EIF5A: variants seen among roughly 807,000 people sequenced by gnomAD.
The protein encoded by EIF5A is eukaryotic translation initiation factor 5A-1.
EIF5A carries 1 observed loss-of-function variant against 16.6 expected under a neutral mutation model. That is an observed-to-expected ratio of 0.06 (90% confidence interval 0.02 to 0.28). EIF5A has a LOEUF of 0.28. Ranked by LOEUF, EIF5A falls within the 10% of genes least tolerant of loss-of-function variation. The pLI, the probability that EIF5A is intolerant of heterozygous loss-of-function variation, is 1.00. For synonymous variants in EIF5A, 80 were observed against 73.6 expected (o/e 1.09, Z -0.44); for missense variants, 29 against 196.1 (o/e 0.15, Z 5.09).
chr17:7,311,270 G>GT, intron 3 of EIF5A, 80 bp from the exon 4 acceptor site: 3 of 1,608,318 alleles, frequency 1.9e-6, no homozygotes, highest in Non-Finnish European at 2.5e-6. Context: ...TATCAGTCCA[G>GT]TTTGTCTATC....
intron 1 of EIF5A, among the ~76,000 whole-genome samples, chr17:7,309,169 C>T (rs1390531520): frequency 1.3e-5 from 2 of 150,570 alleles, no homozygotes; most frequent in Non-Finnish European, 2.9e-5. Flanking sequence ...GCCTTGTCCT[C>T]CGGTCTCCAC....
chr17:7,307,399 T>TA, upstream of EIF5A: 1 of 1,167,560 alleles, frequency 8.6e-7, no homozygotes, highest in Non-Finnish European at 1.1e-6. Context: ...TTGAAGAGAT[T>TA]AAAAAACCGG....
intron 1 of EIF5A, 39 bp from the exon 2 acceptor site, chr17:7,309,576 C>T (rs2072752899): frequency 3.1e-6 from 5 of 1,612,158 alleles, no homozygotes; most frequent in African/African-American, 2.7e-5. Context: ...TCCTGTTGAC[C>T]TCCATGCTTA....
At chr17:7,308,984 A>G (rs1056753712) in intron 1 of EIF5A, among the ~76,000 whole-genome samples, 3 of 152,192 alleles carry the variant, frequency 2.0e-5, no homozygotes, top group Non-Finnish European at 4.4e-5. Context: ...TTTGGGAACC[A>G]AGATCGAGGT....
chr17:7,307,354 G>A, upstream of EIF5A: 1 of 1,238,810 alleles, frequency 8.1e-7, no homozygotes, highest in Non-Finnish European at 1.0e-6. Flanking sequence ...CTGCCCGGTA[G>A]GACGAGCGGT....
rs1271641104 is a variant in EIF5A, at chr17:7,309,761, G to A, written c.126G>A (p.Glu42=). 1 of 1,614,236 alleles carries A rather than the reference G, an allele frequency of 6.2e-7. No homozygotes were observed. The highest frequency in any genetic ancestry group is 8.5e-7 in the Non-Finnish European group (1 of 1,180,046). Residue 42 remains glutamate (E), a synonymous_variant, in exon 2 of 6, where the codon GAG becomes GAA. Coordinates refer to ENST00000336458, the MANE Select transcript of EIF5A (RefSeq NM_001970.5). ...VLKGRPCKIV[E]MSTSKTGKHG... ...AAGGCCGGCCATGTAAGATCGTCGA[G>A]ATGTCTACTTCGAAGACTGGCAAGC...
At chr17:7,307,078 C>T (rs749331003), upstream of EIF5A, 3 of 1,604,230 alleles carry the variant, frequency 1.9e-6, no homozygotes, top group Non-Finnish European at 8.5e-7. Flanking sequence ...GATTCCAAGA[C>T]AAGGCGCCCA....
chr17:7,307,539 T>G (rs773455712), upstream of EIF5A: 61 of 995,428 alleles, frequency 6.1e-5, no homozygotes, highest in Non-Finnish European at 6.8e-5. Flanking sequence ...GCTTGCGCAG[T>G]GCGGGGGTGG....
chr17:7,310,951 A>G (rs2072807448), intron 2 of EIF5A, 67 bp from the exon 3 acceptor site: 2 of 1,537,008 alleles, frequency 1.3e-6, no homozygotes, highest in African/African-American at 2.7e-5. Flanking sequence ...AGGCAAGGTC[A>G]ATTTGAGCCT....
At chr17:7,309,959 A>G in intron 2 of EIF5A, 159 bp downstream of exon 2, 1 of 1,545,706 alleles carries the variant, frequency 6.5e-7, no homozygotes, top group South Asian at 1.2e-5. Flanking sequence ...TCAGACAACT[A>G]CACCTGCTCC....
rs191833791 is a variant in EIF5A at position 7,311,825 on chromosome 17, G to A, written c.*15G>A. The A allele has an allele frequency of 9.0e-6, 8 of 892,980 alleles. No homozygotes were observed. The highest frequency in any genetic ancestry group is 6.7e-5 in the African/African-American group (4 of 60,052). The allele number at this position is 892,980 out of a possible 1,614,324, so 55.3% of individuals were successfully genotyped here. ...CTAATTTCTCTCTCCTACCTAGGGTGGCGGTGGTGGCAGCAGTGATCCTCT... is the reference window on the plus strand; with the variant it reads ...CTAATTTCTCTCTCCTACCTAGGGTAGCGGTGGTGGCAGCAGTGATCCTCT... On this transcript the variant is annotated 3_prime_UTR_variant, in exon 6 of 6. Transcript: ENST00000336458.
At position 7,307,679 on chromosome 17, in the gene EIF5A, G is replaced by GGCGGCA. The variant is rs1012259398; in HGVS notation, c.-90_-85dup. 7.6e-6 allele frequency: 8 copies of GGCGGCA among 1,051,138 alleles called. No individual in the cohort carries two copies. In the Admixed American group the frequency reaches 1.8e-4, roughly 23 times the overall value. 65.1% of individuals were successfully genotyped at this position (1,051,138 alleles called of 1,614,324 possible). ...CGGCGGCGGTAGAGGCGGCGGCGGC[G>GGCGGCA]GCGGCAGCGGGCTCGGAGGCAGCGG... On this transcript the variant is annotated 5_prime_UTR_variant, in exon 1 of 6. Coordinates refer to ENST00000336458, the MANE Select transcript of EIF5A (RefSeq NM_001970.5).
At chr17:7,307,158 C>A, upstream of EIF5A, 3 of 1,545,270 alleles carry the variant, frequency 1.9e-6, no homozygotes, top group Non-Finnish European at 2.6e-6. Flanking sequence ...GGGGCGTATC[C>A]TGAGACGCAT....
At chr17:7,307,205 C>G, upstream of EIF5A, 1 of 1,396,100 alleles carries the variant, frequency 7.2e-7, no homozygotes, top group Non-Finnish European at 9.7e-7. Context: ...GCGGCGTGGT[C>G]TTTTCAACGC....
At chr17:7,308,051 A>G (rs2143007957) in intron 1 of EIF5A, 1 of 985,244 alleles carries the variant, frequency 1.0e-6, no homozygotes. Context: ...CAGGGGCCAG[A>G]TCGGCCCACC....
rs528546145 is a variant in EIF5A at position 7,311,854 on chromosome 17, C to A, written c.*44C>A. Reference sequence around the variant, plus strand: ...GTGGTGGCAGCAGTGATCCTCTGAACCTGCAGAGGCCCCCTCCCCGAGCCT... The same window carrying A: ...GTGGTGGCAGCAGTGATCCTCTGAAACTGCAGAGGCCCCCTCCCCGAGCCT... On this transcript the variant is annotated 3_prime_UTR_variant, in exon 6 of 6. Coordinates refer to ENST00000336458, the MANE Select transcript of EIF5A (RefSeq NM_001970.5). 4.2e-6 allele frequency: 3 copies of A among 707,574 alleles called. No homozygotes were observed. The African/African-American group carries it at 5.4e-5, about 13-fold the overall frequency. The allele number at this position is 707,574 out of a possible 1,614,324, so 43.8% of individuals were successfully genotyped here.
At chr17:7,308,636 G>A in intron 1 of EIF5A, 1 of 1,327,434 alleles carries the variant, frequency 7.5e-7, no homozygotes, top group African/African-American at 1.5e-5. Flanking sequence ...CGTTTGGACA[G>A]GAGCCCAACT....
rs576767338 is a variant in EIF5A, at chr17:7,309,482, C to G, written c.-21-133C>G. 1,965 of 1,228,266 alleles carry G rather than the reference C, an allele frequency of 1.6e-3. 3 individuals are homozygous for G. Among genetic ancestry groups the G allele is most frequent in the Non-Finnish European group, 2.0e-3 (1,788 of 877,554 alleles). 76.1% of individuals were successfully genotyped at this position (1,228,266 alleles called of 1,614,324 possible). On this transcript the variant is annotated intron_variant, in intron 1 of 5. Coordinates refer to ENST00000336458, the MANE Select transcript of EIF5A (RefSeq NM_001970.5). ...TTGAGCCCAGTCAGTATTTTAAGTT[C>G]AGGAACTTTGACTTTATTTTAGGTG... is the stretch of plus-strand genomic sequence containing the variant.
chr17:7,308,596 C>G, intron 1 of EIF5A: 1 of 1,349,854 alleles, frequency 7.4e-7, no homozygotes, highest in South Asian at 1.1e-5. Context: ...CCCCTTCGAG[C>G]TGGGAGGCCG....
Sources: allele counts gnomAD v4.1 joint callset (sites outside exome capture counted in the v4.1 genomes callset), GRCh38; gene constraint gnomAD v4.1.1; transcripts MANE v1.5; gene names NCBI Gene and HGNC (gene_info 2026-07-23, HGNC 2026-07-21).